The following FOXK1 variants were observed in gnomAD, a reference collection of about 807,000 sequenced individuals.
The protein encoded by FOXK1 is forkhead box protein K1.
FOXK1 carries 19 observed loss-of-function variants against 51.9 expected under a neutral mutation model. The ratio of observed to expected loss-of-function variants is 0.37; its 90% confidence interval spans 0.26 to 0.54. The LOEUF (loss-of-function observed/expected upper bound fraction) is 0.54, where lower values mean the gene tolerates loss of function less well. Among genes scored for constraint, FOXK1 ranks in the 20% least tolerant of loss-of-function variants. FOXK1 has a pLI of 0.87. For synonymous variants in FOXK1, 537 were observed against 482.6 expected, an observed-to-expected ratio of 1.11 and a Z score of -1.48; for missense variants, 870 against 1,032.7, an observed-to-expected ratio of 0.84 and a Z score of 2.16.
rs904705072 is a variant in FOXK1 at position 4,753,596 on chromosome 7, T to C, written c.747-863T>C. Among the ~76,000 whole-genome samples, 3 of 152,176 alleles carry C rather than the reference T, an allele frequency of 2.0e-5. No homozygotes were observed. Among genetic ancestry groups the C allele is most frequent in the Non-Finnish European group, 4.4e-5 (3 of 68,014 alleles). On this transcript the variant is annotated intron_variant, in intron 2 of 8. Coordinates refer to ENST00000328914, the MANE Select transcript of FOXK1 (RefSeq NM_001037165.2). The surrounding 1 kb of genome is among the most constrained non-coding windows in gnomAD (Gnocchi z 4.9). The stretch of plus-strand genomic sequence containing the variant: ...TGAGCTCAGGACAGTGGGATCTCTT[T>C]CTCTCGGGAGGTTCTGCACCCACTC...
chr7:4,712,591 T>G (rs1355099186), intron 1 of FOXK1, among the ~76,000 whole-genome samples: 1 of 152,166 alleles, frequency 6.6e-6, no homozygotes, highest in Non-Finnish European at 1.5e-5. Flanking sequence ...AAACCACCGC[T>G]CTCTGAATTC....
chr7:4,707,593 C>A lies in FOXK1; in HGVS notation c.560+24725C>A, dbSNP rs1780118529. Reference sequence around the variant, plus strand: ...TCTTACGCCTTCCTTTCCGGGTTTTCCTGGAGAAGGCTGCCTCACTGGGTC... The same window carrying A: ...TCTTACGCCTTCCTTTCCGGGTTTTACTGGAGAAGGCTGCCTCACTGGGTC... On this transcript the variant is annotated intron_variant, in intron 1 of 8. Coordinates refer to ENST00000328914, the MANE Select transcript of FOXK1 (RefSeq NM_001037165.2). This position sits in a 1 kb window ranked among gnomAD's most constrained non-coding sequence, Gnocchi z 4.1. Among the ~76,000 whole-genome samples, 1 of 152,092 alleles carries A rather than the reference C, an allele frequency of 6.6e-6. No homozygotes were observed. The highest frequency in any genetic ancestry group is 2.4e-5 in the African/African-American group (1 of 41,410).
At position 4,705,966 on chromosome 7, in the gene FOXK1, ATATATACG is replaced by A. The variant is rs1175240706; in HGVS notation, c.560+23105_560+23112del. Among the ~76,000 whole-genome samples the A allele has an allele frequency of 8.0e-4, 58 of 72,052 alleles. 1 individual carries two copies. The highest frequency in any genetic ancestry group is 1.1e-3 in the Non-Finnish European group (43 of 38,656). 47.3% of individuals were successfully genotyped at this position (72,052 alleles called of 152,430 possible). A position where few individuals can be genotyped will look rare whatever the true frequency, so the allele number is the denominator to read the frequency against. ...CAAAATTATATATATATATGTATATATATATACGTATATATACGTATATATACGTATAT... is the reference window on the plus strand; with the variant it reads ...CAAAATTATATATATATATGTATATATATATATACGTATATATACGTATAT... On this transcript the variant is annotated intron_variant, in intron 1 of 8. Coordinates refer to ENST00000328914, the MANE Select transcript of FOXK1 (RefSeq NM_001037165.2).
At position 4,720,234 on chromosome 7, in the gene FOXK1, T is replaced by C. The variant is rs539620214; in HGVS notation, c.561-20604T>C. Among the ~76,000 whole-genome samples, 68 of 152,338 alleles carry C rather than the reference T, an allele frequency of 4.5e-4. 1 individual carries two copies. The highest frequency in any genetic ancestry group is 1.6e-3 in the African/African-American group (65 of 41,578). On this transcript the variant is annotated intron_variant, in intron 1 of 8. Transcript: ENST00000328914. ...CATCTTCAGTCTGTAGGTTTATCAT[T>C]CTGACCAAATCTGTACATTTTTCAG...
rs934542335 is a variant in FOXK1 at position 4,765,267 on chromosome 7, C to T, written c.*2803C>T. 1 of 152,314 alleles carries T rather than the reference C, an allele frequency of 6.6e-6. No homozygotes were observed. Among genetic ancestry groups the T allele is most frequent in the Non-Finnish European group, 1.5e-5 (1 of 68,092 alleles). The allele number at this position is 152,314 out of a possible 1,614,324, so 9.4% of individuals were successfully genotyped here. Reference sequence around the variant, plus strand: ...CGGAACTTGTCTTGGAACCGGTAGCCAGAGGCCCAGGAAGGGACAGGGCCC... The same window carrying T: ...CGGAACTTGTCTTGGAACCGGTAGCTAGAGGCCCAGGAAGGGACAGGGCCC... On this transcript the variant is annotated 3_prime_UTR_variant, in exon 9 of 9. Transcript: ENST00000328914.
Position 4,734,412 on chromosome 7 carries a change from TGGGA to T in FOXK1, c.561-6423_561-6420del, listed in dbSNP as rs1404564613. 6.6e-6 allele frequency among the ~76,000 whole-genome samples: 1 copy of T among 152,200 alleles called. No individual in the cohort carries two copies. Among genetic ancestry groups the T allele is most frequent in the Admixed American group, 6.5e-5 (1 of 15,282 alleles). Reference sequence around the variant, plus strand: ...GCAGGTGCAGGGCCCGCTCCCTCCTTGGGAGGATGAGATGCTCTGTGGCTTCCAC... The same window carrying T: ...GCAGGTGCAGGGCCCGCTCCCTCCTTGGATGAGATGCTCTGTGGCTTCCAC... On this transcript the variant is annotated intron_variant, in intron 1 of 8. Coordinates refer to ENST00000328914, the MANE Select transcript of FOXK1 (RefSeq NM_001037165.2). The surrounding 1 kb of genome is among the most constrained non-coding windows in gnomAD (Gnocchi z 5.2).
At position 4,733,070 on chromosome 7, in the gene FOXK1, G is replaced by A. The variant is rs1780503790; in HGVS notation, c.561-7768G>A. Among the ~76,000 whole-genome samples, 1 of 152,116 alleles carries A rather than the reference G, an allele frequency of 6.6e-6. No homozygotes were observed. The highest frequency in any genetic ancestry group is 1.5e-5 in the Non-Finnish European group (1 of 68,026). On this transcript the variant is annotated intron_variant, in intron 1 of 8. Coordinates refer to ENST00000328914, the MANE Select transcript of FOXK1 (RefSeq NM_001037165.2). The surrounding 1 kb of genome is among the most constrained non-coding windows in gnomAD (Gnocchi z 5.0). The stretch of plus-strand genomic sequence containing the variant: ...TGGGCTCCTGCACAGCTTCTGTTCT[G>A]GGGCTTTTCACCCTCTTCCTGGATT...
rs113900784 is a variant in FOXK1 at position 4,692,940 on chromosome 7, C to T, written c.560+10072C>T. Among the ~76,000 whole-genome samples, 7 of 151,934 alleles carry T rather than the reference C, an allele frequency of 4.6e-5. No homozygotes were observed. In the East Asian group the frequency reaches 1.2e-3, roughly 25 times the overall value. ...TTTTGGTTGAGATGGGGTCTTGCCG[C>T]GTTTCCCTGACTGGTCTCAAACTCC... On this transcript the variant is annotated intron_variant, in intron 1 of 8. Coordinates refer to ENST00000328914, the MANE Select transcript of FOXK1 (RefSeq NM_001037165.2).
rs1165966696 is a variant in FOXK1 at position 4,729,400 on chromosome 7, G to GCA, written c.561-11438_561-11437insCA. On this transcript the variant is annotated intron_variant, in intron 1 of 8. Coordinates refer to ENST00000328914, the MANE Select transcript of FOXK1 (RefSeq NM_001037165.2). The surrounding 1 kb of genome is among the most constrained non-coding windows in gnomAD (Gnocchi z 6.2). ...GGGAGTCACCACGGGTCCCCATGTT[G>GCA]GGATTGGGAAGCAGTCACCTACCAG... Among the ~76,000 whole-genome samples, 5 of 152,178 alleles carry GCA rather than the reference G, an allele frequency of 3.3e-5. No individual in the cohort carries two copies. The East Asian group carries it at 7.7e-4, about 24-fold the overall frequency.
chr7:4,688,801 G>A (rs1257868542), intron 1 of FOXK1, among the ~76,000 whole-genome samples: 1 of 151,814 alleles, frequency 6.6e-6, no homozygotes, highest in Non-Finnish European at 1.5e-5. Context: ...CTGTAAACTG[G>A]TTACTAGACC....
intron 2 of FOXK1, among the ~76,000 whole-genome samples, chr7:4,742,643 C>T (rs1459854709): frequency 6.6e-6 from 1 of 152,164 alleles, no homozygotes; most frequent in East Asian, 1.9e-4. Flanking sequence ...TCTGAAACCC[C>T]TGGGCTCAAG....
Position 4,765,744 on chromosome 7 carries a change from A to C in FOXK1, c.*3280A>C. The C allele has an allele frequency of 6.6e-6, 1 of 152,118 alleles. No homozygotes were observed. Among genetic ancestry groups the C allele is most frequent in the Non-Finnish European group, 1.5e-5 (1 of 68,020 alleles). The allele number at this position is 152,118 out of a possible 1,614,324, so 9.4% of individuals were successfully genotyped here. A position where few individuals can be genotyped will look rare whatever the true frequency, so the allele number is the denominator to read the frequency against. The stretch of plus-strand genomic sequence containing the variant: ...CCCAGTAACCCGCTTCTGTCTCCTG[A>C]CTCCTGCTGGATAAATTGCCAGGTT... On this transcript the variant is annotated 3_prime_UTR_variant, in exon 9 of 9. Coordinates refer to ENST00000328914, the MANE Select transcript of FOXK1 (RefSeq NM_001037165.2).
rs1217351597 is a variant in FOXK1 at position 4,756,677 on chromosome 7, A to G, written c.1051-317A>G. ...CTAGTCAGGAGGCTGAGGCAGGAGAATCCCTTGAACCCGGGAGGCGGAACT... is the reference window on the plus strand; with the variant it reads ...CTAGTCAGGAGGCTGAGGCAGGAGAGTCCCTTGAACCCGGGAGGCGGAACT... On this transcript the variant is annotated intron_variant, in intron 4 of 8. Transcript: ENST00000328914. The surrounding 1 kb of genome is among the most constrained non-coding windows in gnomAD (Gnocchi z 4.1). Among the ~76,000 whole-genome samples, 2 of 151,760 alleles carry G rather than the reference A, an allele frequency of 1.3e-5. No homozygotes were observed. Among genetic ancestry groups the G allele is most frequent in the Non-Finnish European group, 2.9e-5 (2 of 67,936 alleles).
In FOXK1 at chr7:4,754,581, A is replaced by T; in HGVS notation, c.869A>T (p.Gln290Leu). The T allele has an allele frequency of 6.2e-7, 1 of 1,607,796 alleles. No individual in the cohort carries two copies. Among genetic ancestry groups the T allele is most frequent in the Non-Finnish European group, 8.5e-7 (1 of 1,179,998 alleles). The change falls in exon 3 of 9, where the codon CAG (glutamine) becomes CTG (leucine). Residue 290 changes from glutamine (Q) to leucine (L), a missense_variant. Around this residue, in one of 3 missense-constraint regions of FOXK1, gnomAD observed 399 missense variants for 475.6 expected, o/e 0.84. Transcript: ENST00000328914. ...TTTGCAGCAAAGGCCGCGTCGGAGC[A>T]GCAGGCAGACACGTCTGGAGGAGAC... is the stretch of plus-strand genomic sequence containing the variant. ...AEFAAKAASE[Q>L]QADTSGGDSP...
Position 4,706,073 on chromosome 7 carries a change from T to C in FOXK1, c.560+23205T>C, listed in dbSNP as rs539210465. 8.1e-4 allele frequency among the ~76,000 whole-genome samples: 119 copies of C among 147,670 alleles called. 4 individuals are homozygous for C. Among genetic ancestry groups the C allele is most frequent in the Middle Eastern group, 3.5e-3 (1 of 288 alleles). On this transcript the variant is annotated intron_variant, in intron 1 of 8. Transcript: ENST00000328914. ...ATATATGTATATATATGTGTATATA[T>C]GTATATATGCAATCCATGCTTATAG...
At chr7:4,704,637 G>T (rs1320176665) in intron 1 of FOXK1, among the ~76,000 whole-genome samples, 1 of 152,022 alleles carries the variant, frequency 6.6e-6, no homozygotes, top group East Asian at 1.9e-4. Flanking sequence ...AGGAGGGATT[G>T]CCCTGTGTGC....
At chr7:4,736,605 G>A (rs1433547540) in intron 1 of FOXK1, among the ~76,000 whole-genome samples, 1 of 151,964 alleles carries the variant, frequency 6.6e-6, no homozygotes, top group Admixed American at 6.6e-5. Context: ...GTAGAGAGGG[G>A]GGTTTTGCCT....
chr7:4,762,310 C>G lies in FOXK1; in HGVS notation c.2048C>G (p.Thr683Ser). The G allele has an allele frequency of 6.4e-7, 1 of 1,550,524 alleles. No individual in the cohort carries two copies. Among genetic ancestry groups the G allele is most frequent in the Non-Finnish European group, 8.7e-7 (1 of 1,146,814 alleles). The change falls in exon 9 of 9, where the codon ACC (threonine) becomes AGC (serine). Residue 683 changes from threonine to serine, a missense_variant. Around this residue, in one of 3 missense-constraint regions of FOXK1, gnomAD observed 457 missense variants for 510.8 expected, o/e 0.89. Coordinates refer to ENST00000328914, the MANE Select transcript of FOXK1 (RefSeq NM_001037165.2). This position sits in a 1 kb window ranked among gnomAD's most constrained non-coding sequence, Gnocchi z 5.7. ...GCCGTCGCGGCCACGGCCACCACCA[C>G]CCCAGCCACTGCCACCACCGCCTCT... The part of the protein sequence containing the change: ...AAAVAATATT[T>S]PATATTASAS...
At position 4,766,593 on chromosome 7, in the gene FOXK1, C is replaced by A. The variant is rs572773054; in HGVS notation, c.*4129C>A. The A allele has an allele frequency of 6.6e-6, 1 of 152,442 alleles. No homozygotes were observed. Among genetic ancestry groups the A allele is most frequent in the South Asian group, 2.1e-4 (1 of 4,830 alleles). The allele number at this position is 152,442 out of a possible 1,614,324, so 9.4% of individuals were successfully genotyped here. A position where few individuals can be genotyped will look rare whatever the true frequency, so the allele number is the denominator to read the frequency against. ...GAGTGTTCCCTGCTCCTAGGTACCA[C>A]GCTCTGTGCTTCTCAGGCAGGGAGG... is the stretch of plus-strand genomic sequence containing the variant. On this transcript the variant is annotated 3_prime_UTR_variant, in exon 9 of 9. Transcript: ENST00000328914. This position sits in a 1 kb window ranked among gnomAD's most constrained non-coding sequence, Gnocchi z 5.5.
Sources: allele counts gnomAD v4.1 joint callset (sites outside exome capture counted in the v4.1 genomes callset), GRCh38; gene constraint gnomAD v4.1.1; regional missense constraint gnomAD v4.1.1; non-coding constraint Gnocchi (gnomAD v3.1); transcripts MANE v1.5; gene names NCBI Gene and HGNC (gene_info 2026-07-23, HGNC 2026-07-21).